ZDHHC15: variants seen among roughly 807,000 people sequenced by gnomAD.
ZDHHC15 encodes palmitoyltransferase ZDHHC15.
Under a neutral mutation model 31.7 loss-of-function variants are expected in ZDHHC15, and 19 were observed. That is an observed-to-expected ratio of 0.60 (90% CI 0.42 to 0.88). ZDHHC15 has a LOEUF of 0.88. Among genes scored for constraint, ZDHHC15 ranks in the 40% least tolerant of loss-of-function variants. The pLI, the probability that ZDHHC15 is intolerant of heterozygous loss-of-function variation, is 0.00. For missense variants in ZDHHC15, 209 were observed against 251.2 expected (o/e 0.83, Z 1.14); for synonymous variants, 103 against 90.0 (o/e 1.14, Z -0.82).
rs113867561 is a variant in ZDHHC15, at chrX:75,522,442, T to C, written c.136+447A>G. Among the ~76,000 whole-genome samples, 16 of 111,313 alleles carry C rather than the reference T, an allele frequency of 1.4e-4. No homozygotes were observed. In the South Asian group the frequency reaches 2.3e-3, roughly 16 times the overall value. On this transcript the variant is annotated intron_variant, in intron 1 of 11. Coordinates refer to ENST00000373367, the MANE Select transcript of ZDHHC15 (RefSeq NM_144969.3). ...GGAAATCCCTAGTAGGAAATCCTAG[T>C]AGGATTCTAGTAGGAGGGAAAATGG... is the stretch of plus-strand genomic sequence containing the variant.
chrX:75,396,257 A>G (rs1274305448), intron 10 of ZDHHC15, among the ~76,000 whole-genome samples: 1 of 112,172 alleles, frequency 8.9e-6, no homozygotes, highest in East Asian at 2.8e-4. Flanking sequence ...CTGAGAAGGG[A>G]TTAATAACCA....
At chrX:75,516,481 G>T (rs1276952869) in intron 1 of ZDHHC15, among the ~76,000 whole-genome samples, 1 of 112,403 alleles carries the variant, frequency 8.9e-6, no homozygotes, top group Admixed American at 9.4e-5. Flanking sequence ...AACAAGAAAT[G>T]GGGAAAGGAT....
intron 3 of ZDHHC15, among the ~76,000 whole-genome samples, chrX:75,465,791 G>A (rs1035008457): frequency 9.0e-6 from 1 of 111,303 alleles, no homozygotes; most frequent in Admixed American, 9.6e-5. Context: ...TTATATAAAA[G>A]TTAACTCAAG....
chrX:75,458,244 T>C (rs2084255287), intron 3 of ZDHHC15, among the ~76,000 whole-genome samples: 1 of 111,824 alleles, frequency 8.9e-6, no homozygotes, highest in Non-Finnish European at 1.9e-5. Context: ...ATTCCTTTTT[T>C]ATGGACTTCA....
intron 7 of ZDHHC15, 145 bp from the exon 8 acceptor site, chrX:75,424,929 G>C: frequency 1.5e-6 from 1 of 662,093 alleles, no homozygotes; most frequent in Non-Finnish European, 2.1e-6. Context: ...TTATAATATG[G>C]TTCTTTCTGT....
intron 10 of ZDHHC15, among the ~76,000 whole-genome samples, chrX:75,403,005 C>T (rs926035913): frequency 8.9e-6 from 1 of 111,897 alleles, no homozygotes; most frequent in Non-Finnish European, 1.9e-5. Context: ...TATTTGCAAA[C>T]TGAATCCAGC....
At position 75,468,731 on chromosome X, in the gene ZDHHC15, T is replaced by C. The variant is rs140664851; in HGVS notation, c.258+10160A>G. Among the ~76,000 whole-genome samples the C allele has an allele frequency of 7.9e-3, 883 of 112,037 alleles. 11 individuals are homozygous for C. The highest frequency in any genetic ancestry group is 0.026 in the African/African-American group (812 of 30,845). ...TCTTCACATCCTCTCCAAGAGTTAT[T>C]ATTTTTCATTCATTCATTTATTTAA... is the stretch of plus-strand genomic sequence containing the variant. On this transcript the variant is annotated intron_variant, in intron 3 of 11. Transcript: ENST00000373367.
intron 1 of ZDHHC15, among the ~76,000 whole-genome samples, chrX:75,508,400 GT>G (rs1197553616): frequency 5.0e-5 from 5 of 100,649 alleles, no homozygotes; most frequent in Non-Finnish European, 8.0e-5. Flanking sequence ...GCAGTGTTTG[GT>G]TTTTTTTGTC....
intron 10 of ZDHHC15, among the ~76,000 whole-genome samples, chrX:75,389,020 T>C (rs60819610): frequency 0.014 from 1,532 of 111,673 alleles, 19 homozygotes; most frequent in African/African-American, 0.047. Flanking sequence ...AGTGGTTGCA[T>C]GGTATGGAGA....
chrX:75,460,136 A>C (rs1602664047), intron 3 of ZDHHC15, among the ~76,000 whole-genome samples: 1 of 111,751 alleles, frequency 8.9e-6, no homozygotes, highest in East Asian at 2.8e-4. Flanking sequence ...TGGCCTCCTG[A>C]AGTGATGGGA....
chrX:75,508,748 G>A (rs1328090132), intron 1 of ZDHHC15, among the ~76,000 whole-genome samples: 3 of 110,979 alleles, frequency 2.7e-5, no homozygotes, highest in African/African-American at 9.8e-5. Flanking sequence ...GGTTGAACTA[G>A]TTTCCAGTCC....
Position 75,368,734 on chromosome X carries a change from T to G in ZDHHC15, c.*4244A>C, listed in dbSNP as rs2082979285. On this transcript the variant is annotated 3_prime_UTR_variant, in exon 12 of 12. Transcript: ENST00000373367. ...GAATGCATCTTATCTAATTTTTTTT[T>G]CCTTTAATGCCATTCCCTACTAACA... is the stretch of plus-strand genomic sequence containing the variant. 1 of 111,672 alleles carries G rather than the reference T, an allele frequency of 9.0e-6. No individual in the cohort carries two copies. Among genetic ancestry groups the G allele is most frequent in the African/African-American group, 3.3e-5 (1 of 30,756 alleles). 9.2% of individuals were successfully genotyped at this position (111,672 alleles called of 1,213,427 possible).
intron 10 of ZDHHC15, among the ~76,000 whole-genome samples, chrX:75,381,072 A>T (rs1420522466): frequency 9.0e-6 from 1 of 111,070 alleles, no homozygotes; most frequent in Admixed American, 9.6e-5. Context: ...CTGCTTTATG[A>T]CTTTATATAA....
intron 3 of ZDHHC15, 110 bp from the exon 4 acceptor site, chrX:75,451,032 C>A (rs1316112255): frequency 1.1e-6 from 1 of 913,546 alleles, no homozygotes; most frequent in Admixed American, 3.6e-5. Context: ...ACCCTTGAAG[C>A]TCAGGTACCA....
At chrX:75,468,041 AT>A (rs142205044) in intron 3 of ZDHHC15, among the ~76,000 whole-genome samples, 4,414 of 83,804 alleles carry the variant, frequency 0.053, 209 homozygotes, top group African/African-American at 0.13. Context: ...AACTGGCATA[AT>A]TTTTTTTTTT....
intron 10 of ZDHHC15, among the ~76,000 whole-genome samples, chrX:75,389,321 C>A (rs2083215510): frequency 9.0e-6 from 1 of 110,712 alleles, no homozygotes; most frequent in East Asian, 2.9e-4. Context: ...TGGTGCTTTG[C>A]TGGGCTCGAA....
At chrX:75,374,689 A>G (rs775715273) in intron 11 of ZDHHC15, among the ~76,000 whole-genome samples, 1,342 of 99,164 alleles carry the variant, frequency 0.014, 26 homozygotes, top group African/African-American at 0.053. Context: ...GTGTGTGTGT[A>G]TATATATATA....
chrX:75,408,148 C>A (rs1477737759), intron 10 of ZDHHC15, among the ~76,000 whole-genome samples: 2 of 109,762 alleles, frequency 1.8e-5, no homozygotes, highest in African/African-American at 6.6e-5. Flanking sequence ...CTTCCCTCCA[C>A]TATTGTCCTA....
At position 75,500,983 on chromosome X, in the gene ZDHHC15, G is replaced by A. The variant is rs186027953; in HGVS notation, c.163+4838C>T. Among the ~76,000 whole-genome samples, 326 of 110,476 alleles carry A rather than the reference G, an allele frequency of 3.0e-3. 4 individuals carry two copies. The highest frequency in any genetic ancestry group is 0.01 in the African/African-American group (306 of 30,482). Reference sequence around the variant, plus strand: ...CTTTTATTTTTAAAGTTTTATTTTCGGTTCGGGGGCACATGTAAAGGTTTC... The same window carrying A: ...CTTTTATTTTTAAAGTTTTATTTTCAGTTCGGGGGCACATGTAAAGGTTTC... On this transcript the variant is annotated intron_variant, in intron 2 of 11. Coordinates refer to ENST00000373367, the MANE Select transcript of ZDHHC15 (RefSeq NM_144969.3).
Sources: gnomAD v4.1 joint callset for allele counts (sites outside exome capture counted in the v4.1 genomes callset) on GRCh38, gnomAD v4.1.1 for gene constraint, MANE v1.5 for transcripts, NCBI Gene and HGNC (gene_info 2026-07-23, HGNC 2026-07-21) for gene names.